PRKN: variants seen among roughly 807,000 people sequenced by gnomAD.
PRKN encodes E3 ubiquitin-protein ligase parkin.
A neutral mutation model predicts 59.5 loss-of-function variants in PRKN; 56 were observed. The observed-to-expected ratio is 0.94, with a 90% CI of 0.76 to 1.18. PRKN has a LOEUF of 1.18. PRKN is among the 50% of genes most tolerant of loss of function. The pLI is 0.00. For synonymous variants in PRKN, 250 were observed against 222.1 expected, an observed-to-expected ratio of 1.13 and a Z score of -1.12; for missense variants, 657 against 596.4, an observed-to-expected ratio of 1.10 and a Z score of -1.06.
At position 162,254,048 on chromosome 6, in the gene PRKN, G is replaced by C. The variant is rs142766509; in HGVS notation, c.412+8477C>G. On this transcript the variant is annotated intron_variant, in intron 3 of 11. Coordinates refer to ENST00000366898, the MANE Select transcript of PRKN (RefSeq NM_004562.3). ...CCTTAGTTTTCAGGGGGTTAGAGAAGAGTGTCTTATCTCCAAACAGAACAA... is the reference window on the plus strand; with the variant it reads ...CCTTAGTTTTCAGGGGGTTAGAGAACAGTGTCTTATCTCCAAACAGAACAA... Among the ~76,000 whole-genome samples, 787 of 152,286 alleles carry C rather than the reference G, an allele frequency of 5.2e-3. 5 individuals are homozygous for C. Among genetic ancestry groups the C allele is most frequent in the African/African-American group, 0.018 (754 of 41,562 alleles).
chr6:161,418,540 G>GC (rs1397182752), intron 9 of PRKN, among the ~76,000 whole-genome samples: 3 of 152,176 alleles, frequency 2.0e-5, no homozygotes, highest in African/African-American at 7.2e-5. Context: ...GAGAACAGGA[G>GC]CTTCTTTTAG....
chr6:162,429,742 C>T (rs1192229748), intron 2 of PRKN, among the ~76,000 whole-genome samples: 2 of 152,090 alleles, frequency 1.3e-5, no homozygotes, highest in African/African-American at 2.4e-5. Flanking sequence ...GGGGACGCAC[C>T]GGTCCTGCTT....
At chr6:161,979,052 A>G (rs1246950300) in intron 5 of PRKN, among the ~76,000 whole-genome samples, 1 of 152,188 alleles carries the variant, frequency 6.6e-6, no homozygotes, top group Non-Finnish European at 1.5e-5. Context: ...ACCAGGAGCT[A>G]TAATTCCCAG....
chr6:162,073,193 T>C (rs1562496472), intron 4 of PRKN, among the ~76,000 whole-genome samples: 1 of 152,202 alleles, frequency 6.6e-6, no homozygotes, highest in Non-Finnish European at 1.5e-5. Flanking sequence ...AACCGTCTGA[T>C]AGGAGAGAGA....
intron 1 of PRKN, among the ~76,000 whole-genome samples, chr6:162,585,805 C>T (rs927807001): frequency 1.3e-5 from 2 of 151,968 alleles, no homozygotes; most frequent in Non-Finnish European, 2.9e-5. Flanking sequence ...TGGGTCGAAG[C>T]CATCTCCTGC....
In PRKN at chr6:162,028,119, C is replaced by CA. The variant is rs930463333; in HGVS notation, c.618+25971dup. Among the ~76,000 whole-genome samples the CA allele has an allele frequency of 1.0e-3, 153 of 152,280 alleles. 1 individual carries two copies. The highest frequency in any genetic ancestry group is 3.6e-3 in the African/African-American group (150 of 41,554). ...TTTCCAGGAGAATTCTGTACAGCTTCAACTGTGCTCTTTTAGAAAAGCCAG... is the reference window on the plus strand; with the variant it reads ...TTTCCAGGAGAATTCTGTACAGCTTCAAACTGTGCTCTTTTAGAAAAGCCAG... On this transcript the variant is annotated intron_variant, in intron 5 of 11. Coordinates refer to ENST00000366898, the MANE Select transcript of PRKN (RefSeq NM_004562.3).
chr6:161,823,986 A>G (rs1792140431), intron 6 of PRKN, among the ~76,000 whole-genome samples: 1 of 152,200 alleles, frequency 6.6e-6, no homozygotes, highest in Non-Finnish European at 1.5e-5. Flanking sequence ...GGTAATGGGT[A>G]TTTGGGAAGC....
chr6:162,321,690 C>T (rs1385427876), intron 2 of PRKN, among the ~76,000 whole-genome samples: 1 of 151,920 alleles, frequency 6.6e-6, no homozygotes, highest in Non-Finnish European at 1.5e-5. Flanking sequence ...CCCAAGAATG[C>T]AAGTTTGATT....
chr6:162,042,825 T>C (rs985503480), intron 5 of PRKN, among the ~76,000 whole-genome samples: 42 of 152,166 alleles, frequency 2.8e-4, no homozygotes, highest in African/African-American at 9.9e-4. Context: ...TGAACATCAG[T>C]ATAAGTTTTA....
At chr6:162,009,029 C>T (rs910150434) in intron 5 of PRKN, among the ~76,000 whole-genome samples, 3 of 151,546 alleles carry the variant, frequency 2.0e-5, no homozygotes, top group Middle Eastern at 3.4e-3. Context: ...CTGAGGCGGG[C>T]GGATCACGAG....
intron 5 of PRKN, among the ~76,000 whole-genome samples, chr6:162,037,440 T>TAC (rs1271106462): frequency 4.6e-5 from 7 of 151,392 alleles, no homozygotes; most frequent in East Asian, 1.9e-4. Context: ...TTTTCATGTG[T>TAC]ACACACACAC....
At chr6:162,177,060 C>T (rs1173697002) in intron 4 of PRKN, among the ~76,000 whole-genome samples, 2 of 151,244 alleles carry the variant, frequency 1.3e-5, no homozygotes, top group African/African-American at 4.9e-5. Context: ...TAAATAAATG[C>T]ATATAAATAT....
At chr6:162,214,064 C>T (rs192914679) in intron 3 of PRKN, among the ~76,000 whole-genome samples, 1 of 152,088 alleles carries the variant, frequency 6.6e-6, no homozygotes, top group East Asian at 1.9e-4. Context: ...GACACATCCC[C>T]TATCTCTCTG....
At chr6:161,683,783 G>A (rs1785457703) in intron 7 of PRKN, among the ~76,000 whole-genome samples, 1 of 152,106 alleles carries the variant, frequency 6.6e-6, no homozygotes, top group African/African-American at 2.4e-5. Context: ...GTGGTGAGAC[G>A]GGCATTATAA....
intron 9 of PRKN, among the ~76,000 whole-genome samples, chr6:161,491,911 C>T (rs1293902621): frequency 2.0e-5 from 3 of 152,126 alleles, no homozygotes; most frequent in Admixed American, 6.5e-5. Context: ...GGATTACAGG[C>T]GTGAGCCACC....
chr6:162,352,882 T>C (rs935716937), intron 2 of PRKN, among the ~76,000 whole-genome samples: 12 of 152,322 alleles, frequency 7.9e-5, no homozygotes, highest in African/African-American at 2.4e-4. Flanking sequence ...TATAATGGCA[T>C]AATTTAAACT....
intron 9 of PRKN, among the ~76,000 whole-genome samples, chr6:161,522,081 T>C (rs576337342): frequency 9.8e-5 from 15 of 152,290 alleles, no homozygotes; most frequent in African/African-American, 3.6e-4. Context: ...GTGTATATAA[T>C]GTTCTCCTGG....
At chr6:161,824,604 G>A (rs530315771) in intron 6 of PRKN, among the ~76,000 whole-genome samples, 1 of 152,264 alleles carries the variant, frequency 6.6e-6, no homozygotes, top group Admixed American at 6.5e-5. Context: ...GGCTCCAGAT[G>A]AAAATAGTAC....
intron 3 of PRKN, among the ~76,000 whole-genome samples, chr6:162,221,849 G>C (rs1271312761): frequency 6.6e-6 from 1 of 152,124 alleles, no homozygotes; most frequent in Non-Finnish European, 1.5e-5. Context: ...GTCTGGGTTT[G>C]ACAAGGACAT....
Sources: gnomAD v4.1 joint callset for allele counts (sites outside exome capture counted in the v4.1 genomes callset) on GRCh38, gnomAD v4.1.1 for gene constraint, MANE v1.5 for transcripts, NCBI Gene and HGNC (gene_info 2026-07-23, HGNC 2026-07-21) for gene names.